Variants in DIAPH2 observed in about 807,000 individuals in gnomAD.
DIAPH2 encodes the protein protein diaphanous homolog 2.
DIAPH2 carries 35 observed loss-of-function variants against 92.7 expected under a neutral mutation model. That is an observed-to-expected ratio of 0.38 (90% CI 0.29 to 0.50). The LOEUF is 0.50. Ranked by LOEUF, DIAPH2 falls within the 20% of genes least tolerant of loss-of-function variation. DIAPH2 has a pLI of 0.94. For synonymous variants in DIAPH2, 301 were observed against 280.4 expected, an observed-to-expected ratio of 1.07 and a Z score of -0.73; for missense variants, 701 against 819.5, an observed-to-expected ratio of 0.86 and a Z score of 1.77.
At chrX:97,007,761 CTTTTTTTTTT>C (rs1202951643) in intron 17 of DIAPH2, among the ~76,000 whole-genome samples, 1 of 80,997 alleles carries the variant, frequency 1.2e-5, no homozygotes, top group African/African-American at 4.9e-5. Flanking sequence ...TTCTTTTTTT[CTTTTTTTTTT>C]TTTTTTTTTG....
At chrX:97,008,310 A>C (rs2066198932) in intron 17 of DIAPH2, among the ~76,000 whole-genome samples, 1 of 109,619 alleles carries the variant, frequency 9.1e-6, no homozygotes, top group South Asian at 4.0e-4. Flanking sequence ...TGGGATTCCA[A>C]ATTCCTTCTC....
chrX:97,274,007 G>A, intron 23 of DIAPH2, among the ~76,000 whole-genome samples: 1 of 5,168 alleles, frequency 1.9e-4, no homozygotes, highest in South Asian at 9.9e-3. Flanking sequence ...AAAACTAGCG[G>A]TGTGTGTGTG....
At chrX:97,021,323 C>T (rs988149734) in intron 17 of DIAPH2, among the ~76,000 whole-genome samples, 5 of 111,708 alleles carry the variant, frequency 4.5e-5, no homozygotes, top group South Asian at 7.6e-4. Context: ...CTCAGTCTCC[C>T]GAGTAGCTGG....
chrX:97,038,524 T>A (rs1440326207), intron 17 of DIAPH2, among the ~76,000 whole-genome samples: 3 of 109,386 alleles, frequency 2.7e-5, no homozygotes, highest in Non-Finnish European at 5.7e-5. Context: ...GCATCTATTG[T>A]TTTTTGACTT....
chrX:97,469,476 A>G (rs1200539556), intron 26 of DIAPH2, among the ~76,000 whole-genome samples: 1 of 111,605 alleles, frequency 9.0e-6, no homozygotes, highest in Non-Finnish European at 1.9e-5. Context: ...CACGTTTATC[A>G]TGACCTGCAT....
chrX:97,449,121 T>G (rs1030310791), intron 26 of DIAPH2, among the ~76,000 whole-genome samples: 18 of 111,908 alleles, frequency 1.6e-4, no homozygotes, highest in Non-Finnish European at 2.8e-4. Flanking sequence ...GATTTGTGCT[T>G]AAAATAGAAA....
At chrX:96,925,984 G>T (rs1407072767) in intron 9 of DIAPH2, among the ~76,000 whole-genome samples, 3 of 111,327 alleles carry the variant, frequency 2.7e-5, no homozygotes, top group Non-Finnish European at 3.8e-5. Flanking sequence ...CCTAACTCCT[G>T]CTGGGCTAGG....
At chrX:97,135,401 T>G (rs1423412811) in intron 21 of DIAPH2, among the ~76,000 whole-genome samples, 1 of 110,952 alleles carries the variant, frequency 9.0e-6, no homozygotes, top group Non-Finnish European at 1.9e-5. Context: ...AGAGATGGGA[T>G]ATCACCATGT....
At chrX:96,942,511 A>G (rs1301124245) in intron 13 of DIAPH2, among the ~76,000 whole-genome samples, 5 of 111,166 alleles carry the variant, frequency 4.5e-5, no homozygotes, top group Non-Finnish European at 5.7e-5. Context: ...TCATGTATAC[A>G]ATGGGGTCTC....
chrX:97,593,605 T>C (rs1429906432), intron 26 of DIAPH2, among the ~76,000 whole-genome samples: 1 of 111,467 alleles, frequency 9.0e-6, no homozygotes, highest in Non-Finnish European at 1.9e-5. Flanking sequence ...GTGTAAAAGA[T>C]TGATAGATTT....
intron 2 of DIAPH2, among the ~76,000 whole-genome samples, 155 bp from the exon 3 acceptor site, chrX:96,738,431 A>T (rs2064100296): frequency 8.9e-6 from 1 of 111,752 alleles, no homozygotes; most frequent in Admixed American, 9.5e-5. Flanking sequence ...AAATAGTACA[A>T]TCTCTAACTG....
chrX:97,389,514 T>G (rs1380992825), intron 25 of DIAPH2, among the ~76,000 whole-genome samples: 1 of 105,535 alleles, frequency 9.5e-6, no homozygotes, highest in Non-Finnish European at 1.9e-5. Context: ...GTTCTGAGAA[T>G]GTAATCTTTC....
At chrX:97,479,603 G>A (rs150005419) in intron 26 of DIAPH2, among the ~76,000 whole-genome samples, 230 of 111,901 alleles carry the variant, frequency 2.1e-3, no homozygotes, top group African/African-American at 7.3e-3. Flanking sequence ...TGAGCCCTGG[G>A]CAAATTAGTT....
intron 25 of DIAPH2, among the ~76,000 whole-genome samples, chrX:97,404,347 A>G (rs1008067870): frequency 1.8e-5 from 2 of 112,158 alleles, no homozygotes; most frequent in African/African-American, 6.5e-5. Context: ...CCGAGAAAAT[A>G]GAAAGCAGAC....
intron 19 of DIAPH2, among the ~76,000 whole-genome samples, chrX:97,086,442 G>A (rs974770755): frequency 9.0e-6 from 1 of 111,723 alleles, no homozygotes; most frequent in Non-Finnish European, 1.9e-5. Context: ...ATTTCAGATA[G>A]GAGGAATAGT....
chrX:96,738,586 C>T lies in DIAPH2; in HGVS notation c.166C>T (p.Arg56Cys). Reference sequence around the variant, plus strand: ...TTTATTTATTTATTTTTGTTTGCAGCGTGACCGAATTACAAGTTTTAGAAA... The same window carrying T: ...TTTATTTATTTATTTTTGTTTGCAGTGTGACCGAATTACAAGTTTTAGAAA... ...IQIKTLADDV[R>C]DRITSFRKST... Residue 56 changes from arginine to cysteine, a missense_variant and splice_region_variant, in exon 3 of 27, where the codon CGT becomes TGT. Arg to Cys is a radical substitution (Grantham distance 180, BLOSUM62 -3). This residue lies in a region of DIAPH2 where 131 missense variants were observed against 145.6 expected (regional missense o/e 0.90). Coordinates refer to ENST00000324765, the MANE Select transcript of DIAPH2 (RefSeq NM_006729.5). 1.7e-6 allele frequency: 2 copies of T among 1,186,589 alleles called. No individual in the cohort carries two copies. Among genetic ancestry groups the T allele is most frequent in the South Asian group, 1.9e-5 (1 of 52,657 alleles).
chrX:97,258,045 G>A (rs1269287969), intron 23 of DIAPH2, among the ~76,000 whole-genome samples: 1 of 106,385 alleles, frequency 9.4e-6, no homozygotes, highest in South Asian at 4.0e-4. Flanking sequence ...AGCTAACTTT[G>A]CTTTTTGTAT....
intron 26 of DIAPH2, among the ~76,000 whole-genome samples, chrX:97,528,039 C>G (rs747917359): frequency 1.6e-4 from 18 of 111,405 alleles, no homozygotes; most frequent in Admixed American, 5.7e-4. Context: ...GGCTTATATG[C>G]AAATATGAGG....
chrX:97,494,756 A>G (rs2070747188), intron 26 of DIAPH2, among the ~76,000 whole-genome samples: 1 of 112,111 alleles, frequency 8.9e-6, no homozygotes, highest in Non-Finnish European at 1.9e-5. Flanking sequence ...CCCTAGCACA[A>G]TTCATAGAGC....
Sources: allele counts gnomAD v4.1 joint callset (sites outside exome capture counted in the v4.1 genomes callset), GRCh38; gene constraint gnomAD v4.1.1; regional missense constraint gnomAD v4.1.1; transcripts MANE v1.5; gene names NCBI Gene and HGNC (gene_info 2026-07-23, HGNC 2026-07-21).